Variants in BABAM2 observed in about 807,000 individuals in gnomAD.
BABAM2 encodes the protein BRISC and BRCA1-A complex member 2.
A neutral mutation model predicts 54.7 loss-of-function variants in BABAM2; 31 were observed. The ratio of observed to expected loss-of-function variants is 0.57; its 90% CI spans 0.43 to 0.77. The LOEUF is 0.77. Among genes scored for constraint, BABAM2 ranks in the 30% least tolerant of loss-of-function variants. BABAM2 has a pLI of 0.00. For synonymous variants in BABAM2, 167 were observed against 162.9 expected (o/e 1.03, Z -0.19); for missense variants, 364 against 455.8 (o/e 0.80, Z 1.83).
chr2:28,175,007 C>G (rs1414793287), intron 7 of BABAM2, among the ~76,000 whole-genome samples: 1 of 152,154 alleles, frequency 6.6e-6, no homozygotes, highest in Non-Finnish European at 1.5e-5. Flanking sequence ...AGCCAAAATG[C>G]ATGCTTCCCA....
chr2:28,276,405 A>G (rs1256577583), intron 10 of BABAM2, among the ~76,000 whole-genome samples: 2 of 152,084 alleles, frequency 1.3e-5, no homozygotes, highest in African/African-American at 2.4e-5. Flanking sequence ...ATACACTTTT[A>G]TAGTTAAGTA....
intron 3 of BABAM2, among the ~76,000 whole-genome samples, chr2:27,969,211 G>T (rs1430481486): frequency 6.6e-6 from 1 of 152,130 alleles, no homozygotes; most frequent in Admixed American, 6.5e-5. Flanking sequence ...TGATTGTGAG[G>T]CTTCCCCAGC....
intron 11 of BABAM2, among the ~76,000 whole-genome samples, chr2:28,335,154 CTTTTTTTTTTTTTTTTT>C (rs56135926): frequency 8.4e-5 from 6 of 71,524 alleles, no homozygotes; most frequent in Non-Finnish European, 1.3e-4. Context: ...CTCCCACCTT[CTTTTTTTTTTTTTTTTT>C]TTTTTTTTTT....
chr2:28,217,243 T>A (rs559296764), intron 7 of BABAM2, among the ~76,000 whole-genome samples: 1 of 152,330 alleles, frequency 6.6e-6, no homozygotes, highest in Admixed American at 6.5e-5. Context: ...CATAGAGTGA[T>A]TGAATATCAT....
intron 4 of BABAM2, among the ~76,000 whole-genome samples, chr2:28,017,845 G>A (rs1674957002): frequency 6.6e-6 from 1 of 152,152 alleles, no homozygotes; most frequent in Non-Finnish European, 1.5e-5. Flanking sequence ...GCATGAATCA[G>A]TATTTTTATT....
intron 3 of BABAM2, among the ~76,000 whole-genome samples, chr2:27,950,272 T>A (rs985580754): frequency 6.6e-6 from 1 of 152,234 alleles, no homozygotes; most frequent in African/African-American, 2.4e-5. Flanking sequence ...TTAAAATATC[T>A]TGTCAGAAGA....
At chr2:28,289,202 C>T (rs1177342935) in intron 10 of BABAM2, among the ~76,000 whole-genome samples, 1 of 152,024 alleles carries the variant, frequency 6.6e-6, no homozygotes, top group Non-Finnish European at 1.5e-5. Context: ...GGAACCACTA[C>T]CCTGAATTTT....
chr2:28,022,149 G>A (rs1675318105), intron 4 of BABAM2, among the ~76,000 whole-genome samples: 1 of 150,742 alleles, frequency 6.6e-6, no homozygotes, highest in Non-Finnish European at 1.5e-5. Context: ...TTACGAGAGA[G>A]AAATGTGGGA....
chr2:28,253,313 A>C (rs947336990), intron 10 of BABAM2, among the ~76,000 whole-genome samples: 2 of 151,976 alleles, frequency 1.3e-5, no homozygotes, highest in East Asian at 3.9e-4. Context: ...GAGGCATGAG[A>C]ATTGCTTGAA....
At chr2:28,004,920 A>G (rs1673850736) in intron 4 of BABAM2, among the ~76,000 whole-genome samples, 1 of 152,200 alleles carries the variant, frequency 6.6e-6, no homozygotes, top group African/African-American at 2.4e-5. Context: ...ACTTTAGCCT[A>G]GTTAGCGCCT....
Position 28,025,323 on chromosome 2 carries a change from G to A in BABAM2, c.398G>A (p.Arg133Gln), listed in dbSNP as rs138608273. Reference sequence around the variant, plus strand: ...CACCAATTCCAATGTAGCCGCCTCCGGGAGAGCTCCCGCCTCATGTTTGAA... The same window carrying A: ...CACCAATTCCAATGTAGCCGCCTCCAGGAGAGCTCCCGCCTCATGTTTGAA... ...QYHQFQCSRLRESSRLMFEYQ... is the reference protein window; with the variant it reads ...QYHQFQCSRLQESSRLMFEYQ... The change falls in exon 5 of 12, where the codon CGG becomes CAG. Residue 133 changes from arginine (R) to glutamine (Q), a missense_variant. By Grantham distance (43) the Arg-to-Gln change is conservative. Transcript: ENST00000379624. 220 of 1,612,956 alleles carry A rather than the reference G, an allele frequency of 1.4e-4. No homozygotes were observed. The highest frequency in any genetic ancestry group is 1.7e-4 in the Non-Finnish European group (205 of 1,179,744).
chr2:28,303,706 C>A (rs1449690487), intron 11 of BABAM2, among the ~76,000 whole-genome samples: 1 of 151,914 alleles, frequency 6.6e-6, no homozygotes, highest in Non-Finnish European at 1.5e-5. Context: ...CCTCTCCCCA[C>A]TCCAACGCCC....
chr2:27,977,048 T>C (rs181918295), intron 3 of BABAM2, among the ~76,000 whole-genome samples: 22 of 152,304 alleles, frequency 1.4e-4, no homozygotes, highest in Non-Finnish European at 2.9e-4. Context: ...TTAGAGTCTT[T>C]TTCCTTGATA....
At chr2:27,993,125 G>A (rs192609532) in intron 4 of BABAM2, among the ~76,000 whole-genome samples, 342 of 152,286 alleles carry the variant, frequency 2.2e-3, no homozygotes, top group Admixed American at 7.2e-3. Flanking sequence ...GGACTGAGGG[G>A]TTTTCTGGGA....
At chr2:28,142,752 A>G (rs547350691) in intron 7 of BABAM2, among the ~76,000 whole-genome samples, 1 of 152,290 alleles carries the variant, frequency 6.6e-6, no homozygotes, top group Admixed American at 6.5e-5. Context: ...AGTTTAGCAC[A>G]ACCAATTTAA....
At chr2:27,998,209 T>C (rs1370542244) in intron 4 of BABAM2, among the ~76,000 whole-genome samples, 1 of 152,098 alleles carries the variant, frequency 6.6e-6, no homozygotes, top group Non-Finnish European at 1.5e-5. Context: ...AGATTACCCA[T>C]TGTCTTTGGT....
intron 2 of BABAM2, among the ~76,000 whole-genome samples, chr2:27,916,092 A>C (rs60339724): frequency 6.6e-6 from 1 of 152,170 alleles, no homozygotes; most frequent in Non-Finnish European, 1.5e-5. Flanking sequence ...CTGCTAGTAC[A>C]TTCCCTTGAG....
rs1558478910 is a variant in BABAM2, at chr2:28,258,610, C to CTTT, written c.934+13750_934+13752dup. 1.1e-4 allele frequency among the ~76,000 whole-genome samples: 3 copies of CTTT among 26,276 alleles called. No homozygotes were observed. The South Asian group carries it at 5.7e-3, about 50-fold the overall frequency. 17.2% of individuals were successfully genotyped at this position (26,276 alleles called of 152,430 possible). ...ATCTGCTTAAGTCTTTTTCTTTTTTCTTTTCTTTTTTTTTTTTTTTTGAGA... is the reference window on the plus strand; with the variant it reads ...ATCTGCTTAAGTCTTTTTCTTTTTTCTTTTTTTCTTTTTTTTTTTTTTTTGAGA... On this transcript the variant is annotated intron_variant, in intron 10 of 11. Coordinates refer to ENST00000379624, the MANE Select transcript of BABAM2 (RefSeq NM_199191.3).
intron 7 of BABAM2, among the ~76,000 whole-genome samples, chr2:28,197,147 C>G (rs1003863002): frequency 1.6e-4 from 24 of 152,072 alleles, no homozygotes; most frequent in Non-Finnish European, 4.4e-5. Flanking sequence ...GCCACCACAC[C>G]TGGCCAAGAC....
Sources: allele counts gnomAD v4.1 joint callset (sites outside exome capture counted in the v4.1 genomes callset), GRCh38; gene constraint gnomAD v4.1.1; transcripts MANE v1.5; gene names NCBI Gene and HGNC (gene_info 2026-07-23, HGNC 2026-07-21).